The following WWOX variants were observed in gnomAD, a reference collection of about 807,000 sequenced individuals.
WWOX encodes the protein WW domain containing oxidoreductase, also known as WW domain-containing oxidoreductase.
WWOX carries 69 observed loss-of-function variants against 46.2 expected under a neutral mutation model. The observed-to-expected ratio is 1.49, with a 90% CI of 1.23 to 1.82. The LOEUF (loss-of-function observed/expected upper bound fraction) is 1.82. WWOX is among the 40% of genes most tolerant of loss of function. The pLI, the probability that WWOX is intolerant of heterozygous loss-of-function variation, is 0.00. For missense variants in WWOX, 919 were observed against 542.6 expected, an observed-to-expected ratio of 1.69 and a Z score of -6.89; for synonymous variants, 359 against 202.6, an observed-to-expected ratio of 1.77 and a Z score of -6.56.
At chr16:78,772,197 C>G (rs190195050) in intron 8 of WWOX, among the ~76,000 whole-genome samples, 62 of 152,296 alleles carry the variant, frequency 4.1e-4, no homozygotes, top group Non-Finnish European at 3.2e-4. Context: ...TCCTCTCTCC[C>G]TCTACCCTCA....
chr16:78,792,086 C>G (rs2050617480), intron 8 of WWOX, among the ~76,000 whole-genome samples: 1 of 152,234 alleles, frequency 6.6e-6, no homozygotes, highest in African/African-American at 2.4e-5. Context: ...GGGAGCAGGA[C>G]GGTTGCCTGT....
intron 8 of WWOX, among the ~76,000 whole-genome samples, chr16:79,039,700 G>T (rs1597314044): frequency 6.6e-6 from 1 of 152,174 alleles, no homozygotes; most frequent in Admixed American, 6.5e-5. Flanking sequence ...ACATGAGGAG[G>T]AGCAGGGTGA....
chr16:78,271,643 TG>T (rs1202391164), intron 5 of WWOX, among the ~76,000 whole-genome samples: 1 of 152,148 alleles, frequency 6.6e-6, no homozygotes, highest in Non-Finnish European at 1.5e-5. Context: ...GCCTCTGAGG[TG>T]GGAGGTTTTC....
chr16:78,171,048 A>G (rs899278603), intron 5 of WWOX, among the ~76,000 whole-genome samples: 1 of 152,216 alleles, frequency 6.6e-6, no homozygotes, highest in Non-Finnish European at 1.5e-5. Context: ...TTGCAGCCTC[A>G]TTGATTAGCA....
intron 8 of WWOX, among the ~76,000 whole-genome samples, chr16:79,190,507 C>G (rs1230998754): frequency 1.3e-5 from 2 of 152,160 alleles, no homozygotes; most frequent in African/African-American, 4.8e-5. Flanking sequence ...AGAGAGAGGC[C>G]TCACACCCTC....
intron 5 of WWOX, among the ~76,000 whole-genome samples, chr16:78,323,393 CT>C (rs2080533272): frequency 6.6e-6 from 1 of 152,198 alleles, no homozygotes; most frequent in African/African-American, 2.4e-5. Flanking sequence ...GCGTGAGCCA[CT>C]GCGCCCGGCC....
At chr16:78,403,481 C>T (rs567687839) in intron 6 of WWOX, among the ~76,000 whole-genome samples, 2 of 152,100 alleles carry the variant, frequency 1.3e-5, no homozygotes, top group Non-Finnish European at 2.9e-5. Context: ...TTTATGCCTA[C>T]GAAATATAAT....
At chr16:78,386,794 G>A (rs905116895) in intron 5 of WWOX, 66 bp from the exon 6 acceptor site, 1 of 1,402,582 alleles carries the variant, frequency 7.1e-7, no homozygotes, top group Non-Finnish European at 1.0e-6. Context: ...CACATTTACT[G>A]TAACTTGATA....
rs749342798 is a variant in WWOX, at chr16:79,011,002, C to G, written c.1057-200606C>G. On this transcript the variant is annotated intron_variant, in intron 8 of 8. Transcript: ENST00000566780. ...GCTCTGAGTAGAGGAGTAGCACGAT[C>G]TGGCTTACGATGATTTCTAACATCT... 3.3e-5 allele frequency among the ~76,000 whole-genome samples: 5 copies of G among 152,008 alleles called. No homozygotes were observed. The South Asian group carries it at 8.3e-4, about 25-fold the overall frequency.
intron 5 of WWOX, among the ~76,000 whole-genome samples, chr16:78,314,052 G>C (rs187383064): frequency 3.8e-4 from 58 of 152,114 alleles, no homozygotes; most frequent in Middle Eastern, 6.8e-3. Flanking sequence ...AATGGAGCTG[G>C]GCATCTGTCT....
At chr16:78,841,308 C>T (rs558520073) in intron 8 of WWOX, among the ~76,000 whole-genome samples, 4 of 152,308 alleles carry the variant, frequency 2.6e-5, no homozygotes, top group Admixed American at 2.0e-4. Flanking sequence ...ATAATGTGAT[C>T]TGTCTACATA....
At chr16:78,882,823 C>T (rs1323656761) in intron 8 of WWOX, among the ~76,000 whole-genome samples, 1 of 138,686 alleles carries the variant, frequency 7.2e-6, no homozygotes, top group African/African-American at 2.6e-5. Flanking sequence ...ACAATGCCAC[C>T]ATTTAAAAAA....
chr16:78,607,241 T>G (rs2045781002), intron 8 of WWOX, among the ~76,000 whole-genome samples: 1 of 152,192 alleles, frequency 6.6e-6, no homozygotes, highest in Admixed American at 6.5e-5. Flanking sequence ...AAGCGGTTTA[T>G]ATTTTCAAAT....
intron 8 of WWOX, among the ~76,000 whole-genome samples, chr16:78,494,400 A>T (rs887559788): frequency 7.2e-5 from 11 of 152,168 alleles, no homozygotes; most frequent in African/African-American, 2.4e-4. Context: ...TGGCAACCAG[A>T]GGCTTAGAGG....
intron 8 of WWOX, among the ~76,000 whole-genome samples, chr16:78,723,930 G>C (rs189072954): frequency 4.2e-4 from 64 of 152,244 alleles, no homozygotes; most frequent in Non-Finnish European, 8.2e-4. Context: ...TGAGGACCTA[G>C]ACTTCACCTG....
chr16:78,751,757 A>AGGAGGAAGGGAAGAAGGAG (rs2049486179), intron 8 of WWOX, among the ~76,000 whole-genome samples: 1 of 150,724 alleles, frequency 6.6e-6, no homozygotes. Context: ...GAAGGAAGGA[A>AGGAGGAAGGGAAGAAGGAG]GGAGGAAGGG....
intron 5 of WWOX, among the ~76,000 whole-genome samples, chr16:78,217,167 T>C (rs568503464): frequency 5.9e-5 from 9 of 152,356 alleles, no homozygotes; most frequent in Non-Finnish European, 8.8e-5. Context: ...CATCATTTTG[T>C]CTACCACAAC....
intron 4 of WWOX, among the ~76,000 whole-genome samples, chr16:78,146,567 A>G (rs1056445118): frequency 6.6e-6 from 1 of 152,184 alleles, no homozygotes; most frequent in Non-Finnish European, 1.5e-5. Flanking sequence ...CCTGAGAGGT[A>G]TAGATTTCAA....
At chr16:78,939,568 G>T (rs1336007080) in intron 8 of WWOX, among the ~76,000 whole-genome samples, 2 of 152,166 alleles carry the variant, frequency 1.3e-5, no homozygotes, top group African/African-American at 4.8e-5. Flanking sequence ...AAAGAGGGCT[G>T]ATTTTTGTAT....
Sources: allele counts gnomAD v4.1 joint callset (sites outside exome capture counted in the v4.1 genomes callset), GRCh38; gene constraint gnomAD v4.1.1; transcripts MANE v1.5; gene names NCBI Gene and HGNC (gene_info 2026-07-23, HGNC 2026-07-21).